Variants in PLGRKT observed in about 807,000 individuals in gnomAD.
PLGRKT encodes plasminogen receptor (KT).
PLGRKT carries 22 observed loss-of-function variants against 18.5 expected under a neutral mutation model. That is an observed-to-expected ratio of 1.19 (90% CI 0.85 to 1.70). The LOEUF (loss-of-function observed/expected upper bound fraction) is 1.70. Among genes scored for constraint, PLGRKT ranks in the 40% most tolerant of loss-of-function variants. The pLI is 0.00. For missense variants in PLGRKT, 235 were observed against 174.4 expected, an observed-to-expected ratio of 1.35 and a Z score of -1.96; for synonymous variants, 72 against 52.8, an observed-to-expected ratio of 1.36 and a Z score of -1.58.
At chr9:5,432,012 A>C (rs908069292) in intron 2 of PLGRKT, 29 bp from the exon 3 acceptor site, 5 of 922,130 alleles carry the variant, frequency 5.4e-6, no homozygotes, top group Admixed American at 1.8e-5. Flanking sequence ...AAGGAGACTT[A>C]TAATAATACA....
chr9:5,371,505 T>C (rs1449811757), intron 3 of PLGRKT, among the ~76,000 whole-genome samples: 1 of 152,178 alleles, frequency 6.6e-6, no homozygotes, highest in Non-Finnish European at 1.5e-5. Context: ...TCTTCCTCAT[T>C]TTCTCTTGCC....
At chr9:5,358,390 G>T in intron 5 of PLGRKT, 30 bp from the exon 6 acceptor site, 1 of 1,608,410 alleles carries the variant, frequency 6.2e-7, no homozygotes, top group South Asian at 1.1e-5. Flanking sequence ...TACACAAGGT[G>T]ACAAAGGGGT....
In PLGRKT at chr9:5,361,748, G is replaced by C. The variant is rs771518731; in HGVS notation, c.212+10C>G. The C allele has an allele frequency of 3.1e-6, 5 of 1,591,374 alleles. No individual in the cohort carries two copies. In the South Asian group the frequency reaches 3.5e-5, roughly 11 times the overall value. ...AAATGACTGAAGAAAATGTTAAATA[G>C]CAAACATACCCAGCTGTTAAAGAGA... On this transcript the variant is annotated intron_variant, in intron 4 of 5. Coordinates refer to ENST00000223864, the MANE Select transcript of PLGRKT (RefSeq NM_018465.4).
chr9:5,368,262 C>G (rs1263625381), intron 3 of PLGRKT, among the ~76,000 whole-genome samples: 1 of 152,028 alleles, frequency 6.6e-6, no homozygotes, highest in Non-Finnish European at 1.5e-5. Context: ...AATAATTTGA[C>G]AAAAAAGACG....
intron 3 of PLGRKT, among the ~76,000 whole-genome samples, chr9:5,395,893 T>A (rs544708440): frequency 1.5e-5 from 1 of 66,576 alleles, no homozygotes. Context: ...TAACAGTTTT[T>A]TTTTTTTTTT....
intron 3 of PLGRKT, among the ~76,000 whole-genome samples, chr9:5,410,033 T>C (rs987498581): frequency 5.9e-5 from 9 of 152,232 alleles, no homozygotes; most frequent in Admixed American, 4.6e-4. Context: ...GATAAAATGA[T>C]TGCTTTTAAA....
intron 2 of PLGRKT, among the ~76,000 whole-genome samples, chr9:5,432,522 C>T (rs1467369177): frequency 6.9e-6 from 1 of 144,950 alleles, no homozygotes; most frequent in Admixed American, 6.9e-5. Flanking sequence ...CCTCTTTCTA[C>T]GGTCTCCCTC....
intron 3 of PLGRKT, among the ~76,000 whole-genome samples, chr9:5,381,262 A>G (rs1225341916): frequency 6.6e-6 from 1 of 152,252 alleles, no homozygotes; most frequent in African/African-American, 2.4e-5. Flanking sequence ...CTCCCATTAC[A>G]AACCCAGGAG....
rs776300827 is a variant in PLGRKT, at chr9:5,418,061, ATG to A, written c.81+13834_81+13835del. On this transcript the variant is annotated intron_variant, in intron 3 of 5. Transcript: ENST00000223864. The surrounding 1 kb of genome is among the most constrained non-coding windows in gnomAD (Gnocchi z 4.2). ...GTGGAGTTTAACGTCTAAGTAGAAT[ATG>A]TCTATCTCGTAACGTGATTTTGAAA... Among the ~76,000 whole-genome samples the A allele has an allele frequency of 2.5e-4, 38 of 152,230 alleles. No individual in the cohort carries two copies. Among genetic ancestry groups the A allele is most frequent in the Non-Finnish European group, 5.1e-4 (35 of 68,046 alleles).
chr9:5,431,923 A>G lies in PLGRKT; in HGVS notation c.55T>C (p.Phe19Leu). The change falls in exon 3 of 6, where the codon TTC becomes CTC. Residue 19 changes from phenylalanine (F) to leucine (L), a missense_variant. By Grantham distance (22) the Phe-to-Leu change is conservative. Coordinates refer to ENST00000223864, the MANE Select transcript of PLGRKT (RefSeq NM_018465.4). ...MNESMKNQKE[F>L]MLMNARLQLE... Reference sequence around the variant, plus strand: ...TGAAGTCGAGCATTCATAAGCATGAACTCCTTTTGATTTTTCATGCTTTCA... The same window carrying G: ...TGAAGTCGAGCATTCATAAGCATGAGCTCCTTTTGATTTTTCATGCTTTCA... The G allele has an allele frequency of 6.5e-7, 1 of 1,538,212 alleles. No individual in the cohort carries two copies. Among genetic ancestry groups the G allele is most frequent in the Non-Finnish European group, 9.0e-7 (1 of 1,112,206 alleles).
chr9:5,412,270 C>T (rs911188685), intron 3 of PLGRKT, among the ~76,000 whole-genome samples: 1 of 152,128 alleles, frequency 6.6e-6, no homozygotes, highest in African/African-American at 2.4e-5. Context: ...AAAACTAGAT[C>T]CCTATCTCAT....
chr9:5,411,349 C>T (rs1319330342), intron 3 of PLGRKT, among the ~76,000 whole-genome samples: 1 of 148,418 alleles, frequency 6.7e-6, no homozygotes, highest in East Asian at 2.0e-4. Context: ...TATGCCACTG[C>T]ACTCCAGCCT....
chr9:5,387,315 A>C (rs1038755679), intron 3 of PLGRKT, among the ~76,000 whole-genome samples: 12 of 151,936 alleles, frequency 7.9e-5, no homozygotes, highest in African/African-American at 2.9e-4. Context: ...CTCTGTTTTA[A>C]GAATATTGAG....
intron 3 of PLGRKT, among the ~76,000 whole-genome samples, chr9:5,368,895 G>C (rs1817454337): frequency 6.6e-6 from 1 of 152,142 alleles, no homozygotes; most frequent in Admixed American, 6.5e-5. Flanking sequence ...GGGAAAACTG[G>C]CTAGCCATAT....
At chr9:5,368,116 T>C (rs1358636104) in intron 3 of PLGRKT, among the ~76,000 whole-genome samples, 2 of 152,024 alleles carry the variant, frequency 1.3e-5, no homozygotes, top group East Asian at 1.9e-4. Context: ...GAAGAGGGAA[T>C]GCTTACACTG....
intron 3 of PLGRKT, among the ~76,000 whole-genome samples, chr9:5,396,634 A>G (rs1432402588): frequency 3.9e-5 from 6 of 151,992 alleles, no homozygotes; most frequent in Admixed American, 3.3e-4. Context: ...CACATATGAA[A>G]AGTTAGTTTT....
intron 3 of PLGRKT, among the ~76,000 whole-genome samples, chr9:5,386,554 A>C (rs934722694): frequency 6.6e-6 from 1 of 151,866 alleles, no homozygotes; most frequent in Non-Finnish European, 1.5e-5. Flanking sequence ...TGGTTGAGAA[A>C]TTCTGGCCTC....
chr9:5,401,284 T>C (rs771779865), intron 3 of PLGRKT, among the ~76,000 whole-genome samples: 2 of 138,972 alleles, frequency 1.4e-5, no homozygotes, highest in African/African-American at 5.8e-5. Flanking sequence ...ATTTTAAATA[T>C]AGGACGGGCT....
Position 5,432,659 on chromosome 9 carries a change from G to A in PLGRKT, c.-6-676C>T, listed in dbSNP as rs957167242. Among the ~76,000 whole-genome samples, 5 of 152,124 alleles carry A rather than the reference G, an allele frequency of 3.3e-5. No individual in the cohort carries two copies. The South Asian group carries it at 1.0e-3, about 32-fold the overall frequency. On this transcript the variant is annotated intron_variant, in intron 2 of 5. Coordinates refer to ENST00000223864, the MANE Select transcript of PLGRKT (RefSeq NM_018465.4). The stretch of plus-strand genomic sequence containing the variant: ...ATTCCAGGCACGCGCCACCACTCCT[G>A]ACTGGTTTTTGTATTTTTGGTGGAG...
Sources: gnomAD v4.1 joint callset for allele counts (sites outside exome capture counted in the v4.1 genomes callset) on GRCh38, gnomAD v4.1.1 for gene constraint, Gnocchi (gnomAD v3.1) non-coding constraint, MANE v1.5 for transcripts, NCBI Gene and HGNC (gene_info 2026-07-23, HGNC 2026-07-21) for gene names.